SHISA9: variants seen among roughly 807,000 people sequenced by gnomAD.
SHISA9 encodes the protein protein shisa-9.
Under a neutral mutation model 38.0 loss-of-function variants are expected in SHISA9, and 13 were observed. The observed-to-expected ratio is 0.34, with a 90% confidence interval of 0.22 to 0.54. The LOEUF (loss-of-function observed/expected upper bound fraction) is 0.54. Among genes scored for constraint, SHISA9 ranks in the 20% least tolerant of loss-of-function variants. The pLI, the probability that SHISA9 is intolerant of heterozygous loss-of-function variation, is 0.91. For missense variants in SHISA9, 538 were observed against 575.8 expected (o/e 0.93, Z 0.67); for synonymous variants, 275 against 242.0 (o/e 1.14, Z -1.27).
intron 4 of SHISA9, 113 bp from the exon 5 acceptor site, chr16:13,234,917 C>T: frequency 7.7e-7 from 1 of 1,292,326 alleles, no homozygotes; most frequent in Middle Eastern, 2.8e-4. Context: ...GACTGTTGGC[C>T]CATTTTTATG....
the SHISA9 span, among the ~76,000 whole-genome samples, chr16:13,324,795 T>G: frequency 1.3e-5 from 2 of 152,112 alleles, no homozygotes; most frequent in African/African-American, 4.8e-5. Context: ...TACAGCTTGG[T>G]TTTCTATAGT....
intron 2 of SHISA9, among the ~76,000 whole-genome samples, chr16:13,057,549 A>T (rs2073324972): frequency 6.6e-6 from 1 of 152,174 alleles, no homozygotes; most frequent in South Asian, 2.1e-4. Flanking sequence ...TTTGGGGAGT[A>T]AGAGCCCAGG....
At chr16:12,927,366 C>T (rs941012525) in intron 2 of SHISA9, among the ~76,000 whole-genome samples, 1 of 152,024 alleles carries the variant, frequency 6.6e-6, no homozygotes, top group Non-Finnish European at 1.5e-5. Context: ...GTGCTCATAC[C>T]AAGACTGCCA....
the SHISA9 span, among the ~76,000 whole-genome samples, chr16:13,427,949 C>T: frequency 6.6e-6 from 1 of 152,108 alleles, no homozygotes; most frequent in African/African-American, 2.4e-5. Context: ...ATATTTAGAG[C>T]GCATTGAATG....
At chr16:12,977,827 G>C (rs946468593) in intron 2 of SHISA9, among the ~76,000 whole-genome samples, 2 of 152,002 alleles carry the variant, frequency 1.3e-5, no homozygotes, top group African/African-American at 2.4e-5. Flanking sequence ...AGGGTGGGGA[G>C]GGGGGAGAGT....
chr16:13,415,340 A>T, the SHISA9 span, among the ~76,000 whole-genome samples: 1 of 152,214 alleles, frequency 6.6e-6, no homozygotes, highest in African/African-American at 2.4e-5. Flanking sequence ...AGGGACAAAA[A>T]ACCAAATACC....
intron 2 of SHISA9, among the ~76,000 whole-genome samples, chr16:13,075,174 C>T (rs1208432650): frequency 6.6e-6 from 1 of 152,210 alleles, no homozygotes; most frequent in Non-Finnish European, 1.5e-5. Context: ...ACCCAACTCC[C>T]ATCTGGGAGG....
At chr16:13,102,125 T>G (rs986322963) in intron 2 of SHISA9, among the ~76,000 whole-genome samples, 6 of 152,188 alleles carry the variant, frequency 3.9e-5, no homozygotes, top group African/African-American at 1.4e-4. Context: ...TCCCTTGAAG[T>G]TGGGGCTACT....
chr16:13,235,151 G>T lies in SHISA9; in HGVS notation c.1017G>T (p.Glu339Asp). 1.3e-6 allele frequency: 2 copies of T among 1,551,724 alleles called. No homozygotes were observed. Among genetic ancestry groups the T allele is most frequent in the Non-Finnish European group, 1.7e-6 (2 of 1,147,012 alleles). ...VEDEPRAFSP[E>D]HGPAKQNGQK... ...ACGAGCCCCGGGCCTTCAGCCCTGA[G>T]CACGGTCCTGCCAAGCAGAATGGAC... The change falls in exon 5 of 5, where the codon GAG (glutamate) becomes GAT (aspartate). Residue 339 changes from glutamate to aspartate, a missense_variant. By Grantham distance (45) the Glu-to-Asp change is conservative. Coordinates refer to ENST00000558583, the MANE Select transcript of SHISA9 (RefSeq NM_001145204.3).
chr16:13,436,835 G>A, the SHISA9 span, among the ~76,000 whole-genome samples: 1 of 152,202 alleles, frequency 6.6e-6, no homozygotes, highest in Admixed American at 6.5e-5. Flanking sequence ...GCTAGTGGGA[G>A]TTTTTAAGAT....
chr16:13,407,046 C>G, the SHISA9 span, among the ~76,000 whole-genome samples: 1 of 106,106 alleles, frequency 9.4e-6, no homozygotes, highest in African/African-American at 3.8e-5. Flanking sequence ...CCAGCCTGGG[C>G]AACAAGAGTG....
the SHISA9 span, among the ~76,000 whole-genome samples, chr16:13,283,025 G>T: frequency 2.5e-4 from 38 of 152,072 alleles, no homozygotes; most frequent in African/African-American, 8.9e-4. Context: ...TATTTTTCTT[G>T]ACTATGGTTC....
the SHISA9 span, among the ~76,000 whole-genome samples, chr16:13,407,993 T>G: frequency 6.6e-6 from 1 of 152,164 alleles, no homozygotes; most frequent in Non-Finnish European, 1.5e-5. Context: ...TAACTCAACA[T>G]GTGCACATGG....
the SHISA9 span, among the ~76,000 whole-genome samples, chr16:13,345,194 A>G: frequency 5.3e-5 from 8 of 152,142 alleles, no homozygotes; most frequent in South Asian, 1.7e-3. Context: ...TGTACAGATT[A>G]TTTCATCACT....
chr16:13,354,831 C>T, the SHISA9 span, among the ~76,000 whole-genome samples: 1 of 152,142 alleles, frequency 6.6e-6, no homozygotes, highest in East Asian at 1.9e-4. Context: ...ACACGATTGG[C>T]AGGGAGAGCA....
At chr16:13,229,649 G>A (rs1247543651) in intron 4 of SHISA9, among the ~76,000 whole-genome samples, 1 of 152,214 alleles carries the variant, frequency 6.6e-6, no homozygotes, top group Non-Finnish European at 1.5e-5. Flanking sequence ...TGATTTCCAT[G>A]TACTGCCAGG....
the SHISA9 span, among the ~76,000 whole-genome samples, chr16:13,442,630 C>CA: frequency 6.6e-6 from 1 of 152,058 alleles, no homozygotes; most frequent in Admixed American, 6.5e-5. Flanking sequence ...AAAAATCCTG[C>CA]AATAATATTG....
At chr16:13,180,972 A>T (rs1387521882) in intron 2 of SHISA9, among the ~76,000 whole-genome samples, 1 of 152,020 alleles carries the variant, frequency 6.6e-6, no homozygotes, top group Non-Finnish European at 1.5e-5. Context: ...TTTTTCATCC[A>T]AAAACGTTCT....
chr16:13,067,055 C>T (rs2073443515), intron 2 of SHISA9, among the ~76,000 whole-genome samples: 1 of 152,176 alleles, frequency 6.6e-6, no homozygotes, highest in Non-Finnish European at 1.5e-5. Flanking sequence ...TAGGAAGGAA[C>T]TGTGGGAGCT....
Sources: allele counts gnomAD v4.1 joint callset (sites outside exome capture counted in the v4.1 genomes callset), GRCh38; gene constraint gnomAD v4.1.1; transcripts MANE v1.5; gene names NCBI Gene and HGNC (gene_info 2026-07-23, HGNC 2026-07-21).